The following ERBB4 variants were observed in gnomAD, a reference collection of about 807,000 sequenced individuals.
ERBB4 encodes receptor tyrosine-protein kinase erbB-4.
A neutral mutation model predicts 158.0 loss-of-function variants in ERBB4; 42 were observed. That is an observed-to-expected ratio of 0.27 (90% CI 0.21 to 0.34). ERBB4 has a LOEUF of 0.34. ERBB4 is among the 10% of genes least tolerant of loss of function. The pLI is 1.00. For synonymous variants in ERBB4, 583 were observed against 558.7 expected (o/e 1.04, Z -0.61); for missense variants, 1,333 against 1,624.1 (o/e 0.82, Z 3.08).
At chr2:212,360,481 T>C (rs1348349616) in intron 1 of ERBB4, among the ~76,000 whole-genome samples, 1 of 151,696 alleles carries the variant, frequency 6.6e-6, no homozygotes. Flanking sequence ...GCTTCCCTTA[T>C]GTAACTGGAA....
chr2:211,808,188 T>C (rs554287007), intron 3 of ERBB4, among the ~76,000 whole-genome samples: 1 of 152,334 alleles, frequency 6.6e-6, no homozygotes, highest in South Asian at 2.1e-4. Flanking sequence ...GTTTTAGACA[T>C]GAAGTCCTTG....
intron 19 of ERBB4, among the ~76,000 whole-genome samples, chr2:211,577,025 C>T (rs892877813): frequency 6.6e-6 from 1 of 152,078 alleles, no homozygotes. Flanking sequence ...TCTGTCAAAA[C>T]CTCAATCTGA....
intron 25 of ERBB4, among the ~76,000 whole-genome samples, chr2:211,414,780 T>C (rs1313571058): frequency 6.6e-6 from 1 of 152,038 alleles, no homozygotes; most frequent in Non-Finnish European, 1.5e-5. Flanking sequence ...AGCTTAGAAA[T>C]ATGGCCTTTG....
intron 18 of ERBB4, among the ~76,000 whole-genome samples, chr2:211,622,503 T>C (rs571988154): frequency 6.6e-6 from 1 of 152,156 alleles, no homozygotes; most frequent in Non-Finnish European, 1.5e-5. Context: ...TTTGGAGCAC[T>C]TGGAGAGAAA....
At chr2:212,401,600 T>G (rs934843110) in intron 1 of ERBB4, among the ~76,000 whole-genome samples, 4 of 152,270 alleles carry the variant, frequency 2.6e-5, no homozygotes, top group Admixed American at 6.5e-5. Context: ...GAAATAAGCT[T>G]AGCTTATGAA....
intron 10 of ERBB4, among the ~76,000 whole-genome samples, chr2:211,704,606 G>A (rs899732859): frequency 6.6e-6 from 1 of 152,118 alleles, no homozygotes; most frequent in Non-Finnish European, 1.5e-5. Flanking sequence ...GTAAGTCCAT[G>A]TCTGATTCAT....
At chr2:211,993,184 C>A (rs2082120228) in intron 2 of ERBB4, among the ~76,000 whole-genome samples, 1 of 152,124 alleles carries the variant, frequency 6.6e-6, no homozygotes, top group African/African-American at 2.4e-5. Context: ...GAGATAGGAT[C>A]TTTAAGGAGG....
intron 20 of ERBB4, among the ~76,000 whole-genome samples, chr2:211,522,986 G>T (rs1202742027): frequency 1.3e-5 from 2 of 151,352 alleles, no homozygotes; most frequent in East Asian, 3.9e-4. Flanking sequence ...TAAGAGTTTG[G>T]TGGTAAGATG....
chr2:211,618,034 G>C (rs1362966439), intron 19 of ERBB4, among the ~76,000 whole-genome samples: 3 of 151,722 alleles, frequency 2.0e-5, no homozygotes, highest in Admixed American at 1.3e-4. Flanking sequence ...TTTTTGCTAG[G>C]GGAAATCTTC....
chr2:212,302,005 A>G (rs2086641854), intron 1 of ERBB4, among the ~76,000 whole-genome samples: 1 of 151,452 alleles, frequency 6.6e-6, no homozygotes, highest in Admixed American at 6.6e-5. Flanking sequence ...TACTTGACCA[A>G]TACTGTGCCT....
chr2:211,461,590 G>A (rs1210844202), intron 20 of ERBB4, among the ~76,000 whole-genome samples: 1 of 152,028 alleles, frequency 6.6e-6, no homozygotes, highest in African/African-American at 2.4e-5. Flanking sequence ...TGAGGATAAA[G>A]ACACATATAT....
In ERBB4 at chr2:212,474,822, C is replaced by CTTTTTTTTTTTTTTTTTTTTTTTTTTT. The variant is rs539959668; in HGVS notation, c.82+63626_82+63627insAAAAAAAAAAAAAAAAAAAAAAAAAAA. On this transcript the variant is annotated intron_variant, in intron 1 of 27. Coordinates refer to ENST00000342788, the MANE Select transcript of ERBB4 (RefSeq NM_005235.3). Reference sequence around the variant, plus strand: ...CACCATTTCCTGACACCCGGCCATTCTTTTTTTTTTTTTTTTTTGTCAAGA... The same window carrying CTTTTTTTTTTTTTTTTTTTTTTTTTTT: ...CACCATTTCCTGACACCCGGCCATTCTTTTTTTTTTTTTTTTTTTTTTTTTTTTTTTTTTTTTTTTTTTTTGTCAAGA... Among the ~76,000 whole-genome samples, 13 of 94,412 alleles carry CTTTTTTTTTTTTTTTTTTTTTTTTTTT rather than the reference C, an allele frequency of 1.4e-4. 1 individual carries two copies. Among genetic ancestry groups the CTTTTTTTTTTTTTTTTTTTTTTTTTTT allele is most frequent in the African/African-American group, 4.9e-4 (8 of 16,428 alleles). The allele number at this position is 94,412 out of a possible 152,430, so 61.9% of individuals were successfully genotyped here. A position where few individuals can be genotyped will look rare whatever the true frequency, so the allele number is the denominator to read the frequency against.
intron 2 of ERBB4, among the ~76,000 whole-genome samples, chr2:212,010,452 A>G (rs1271644292): frequency 6.6e-6 from 1 of 152,202 alleles, no homozygotes; most frequent in East Asian, 1.9e-4. Flanking sequence ...GAAGGGGTAT[A>G]ATAACAGAGA....
Position 211,578,152 on chromosome 2 carries a change from A to G in ERBB4, c.2302-16064T>C, listed in dbSNP as rs146126357. Among the ~76,000 whole-genome samples, 115 of 152,256 alleles carry G rather than the reference A, an allele frequency of 7.6e-4. 4 individuals carry two copies. In the East Asian group the frequency reaches 0.016, roughly 21 times the overall value. Reference sequence around the variant, plus strand: ...GCAAAAGTCACAAGCACTCCTATACACCAACAACAGGCAAGCAGAGAGCCA... The same window carrying G: ...GCAAAAGTCACAAGCACTCCTATACGCCAACAACAGGCAAGCAGAGAGCCA... On this transcript the variant is annotated intron_variant, in intron 19 of 27. Coordinates refer to ENST00000342788, the MANE Select transcript of ERBB4 (RefSeq NM_005235.3).
chr2:211,451,306 A>G (rs1487319968), intron 20 of ERBB4, among the ~76,000 whole-genome samples: 1 of 152,178 alleles, frequency 6.6e-6, no homozygotes, highest in Non-Finnish European at 1.5e-5. Context: ...GTTGTTGATA[A>G]AAGTTTCACT....
chr2:212,346,304 G>A (rs1455622168), intron 1 of ERBB4, among the ~76,000 whole-genome samples: 1 of 76,132 alleles, frequency 1.3e-5, no homozygotes, highest in Non-Finnish European at 3.0e-5. Flanking sequence ...TTTCCTCAAT[G>A]ATGGCCCCCC....
At position 211,379,603 on chromosome 2, in the gene ERBB4, GTTTGA is replaced by G. The variant is rs2062540832; in HGVS notation, c.*4007_*4011del. ...CATTATACTTGTGGTTAGTTTTCTA[GTTTGA>G]TTTATTTAATAATATTAAAATCATT... is the stretch of plus-strand genomic sequence containing the variant. On this transcript the variant is annotated 3_prime_UTR_variant, in exon 28 of 28. Coordinates refer to ENST00000342788, the MANE Select transcript of ERBB4 (RefSeq NM_005235.3). 4.3e-6 allele frequency: 1 copy of G among 231,096 alleles called. No individual in the cohort carries two copies. The highest frequency in any genetic ancestry group is 8.6e-6 in the Non-Finnish European group (1 of 116,856). The allele number at this position is 231,096 out of a possible 1,614,324, so 14.3% of individuals were successfully genotyped here.
intron 1 of ERBB4, among the ~76,000 whole-genome samples, chr2:212,155,752 CTG>C: frequency 6.6e-6 from 1 of 152,142 alleles, no homozygotes; most frequent in South Asian, 2.1e-4. Flanking sequence ...TTTTAGATAT[CTG>C]TGTGTCATCA....
intron 5 of ERBB4, among the ~76,000 whole-genome samples, chr2:211,738,361 GT>G (rs10535592): frequency 0.13 from 18,175 of 135,606 alleles, 3,043 homozygotes; most frequent in African/African-American, 0.39. Context: ...CTTTGTTTTT[GT>G]TTTTTTTTTT....
Sources: gnomAD v4.1 joint callset for allele counts (sites outside exome capture counted in the v4.1 genomes callset) on GRCh38, gnomAD v4.1.1 for gene constraint, MANE v1.5 for transcripts, NCBI Gene and HGNC (gene_info 2026-07-23, HGNC 2026-07-21) for gene names.